The following SYK variants were observed in gnomAD, a reference collection of about 807,000 sequenced individuals.
SYK encodes the protein tyrosine-protein kinase SYK.
Under a neutral mutation model 77.8 loss-of-function variants are expected in SYK, and 16 were observed. That is an observed-to-expected ratio of 0.21 (90% CI 0.14 to 0.31). The LOEUF (loss-of-function observed/expected upper bound fraction) is 0.31. Ranked by LOEUF, SYK falls within the 10% of genes least tolerant of loss-of-function variation. The pLI, the probability that SYK is intolerant of heterozygous loss-of-function variation, is 1.00. For missense variants in SYK, 529 were observed against 814.4 expected, an observed-to-expected ratio of 0.65 and a Z score of 4.26; for synonymous variants, 312 against 308.7, an observed-to-expected ratio of 1.01 and a Z score of -0.11.
chr9:90,892,130 G>A (rs534526703), intron 13 of SYK, among the ~76,000 whole-genome samples: 2 of 152,236 alleles, frequency 1.3e-5, no homozygotes, highest in Non-Finnish European at 1.5e-5. Context: ...CTAAAGAAGT[G>A]GCCAAAACAA....
At position 90,891,142 on chromosome 9, in the gene SYK, C is replaced by CTTT. The variant is rs750370621; in HGVS notation, c.1835+2534_1835+2536dup. Among the ~76,000 whole-genome samples the CTTT allele has an allele frequency of 4.4e-3, 521 of 119,054 alleles. 10 individuals are homozygous for CTTT. The highest frequency in any genetic ancestry group is 0.031 in the East Asian group (101 of 3,272). 78.1% of individuals were successfully genotyped at this position (119,054 alleles called of 152,430 possible). On this transcript the variant is annotated intron_variant, in intron 13 of 13. Coordinates refer to ENST00000375754, the MANE Select transcript of SYK (RefSeq NM_003177.7). The stretch of plus-strand genomic sequence containing the variant: ...TCCTTGGCCGACGCCATGTTGCCTG[C>CTTT]TTTTTTTTTTTTTTTTTTTTTGAGA...
At chr9:90,865,959 C>T (rs1400111421) in intron 6 of SYK, among the ~76,000 whole-genome samples, 2 of 116,602 alleles carry the variant, frequency 1.7e-5, no homozygotes, top group Admixed American at 1.3e-4. Flanking sequence ...AGTGCAGTGG[C>T]GCGATCTCAG....
At chr9:90,808,466 T>TC (rs1470766779) in intron 1 of SYK, among the ~76,000 whole-genome samples, 2 of 151,780 alleles carry the variant, frequency 1.3e-5, no homozygotes, top group Non-Finnish European at 2.9e-5. Flanking sequence ...TGTTGGTTTT[T>TC]TTTTTTTTTT....
At chr9:90,839,367 C>T (rs750945098) in intron 1 of SYK, among the ~76,000 whole-genome samples, 16 of 152,174 alleles carry the variant, frequency 1.1e-4, no homozygotes, top group South Asian at 6.2e-4. Flanking sequence ...TCAGCCACAT[C>T]GGTGCTGACA....
intron 1 of SYK, among the ~76,000 whole-genome samples, chr9:90,826,629 G>C (rs1825675371): frequency 6.6e-6 from 1 of 152,192 alleles, no homozygotes; most frequent in Non-Finnish European, 1.5e-5. Context: ...CTCTGGAGAG[G>C]GTTCCTTTTT....
At position 90,878,883 on chromosome 9, in the gene SYK, C is replaced by G; in HGVS notation, c.1511C>G (p.Thr504Ser). Residue 504 changes from threonine (T) to serine (S), a missense_variant, in exon 11 of 14, where the codon ACC becomes AGC. By Grantham distance (58) the Thr-to-Ser change is moderately conservative. This residue lies in a region of SYK where 208 missense variants were observed against 381.3 expected (regional missense o/e 0.55). Coordinates refer to ENST00000375754, the MANE Select transcript of SYK (RefSeq NM_003177.7). ...DLAARNVLLV[T>S]QHYAKISDFG... ...GCTGCAAGAAATGTGTTGCTAGTTA[C>G]CCAACATTACGCCAAGATCAGTGAT... The G allele has an allele frequency of 6.2e-7, 1 of 1,614,112 alleles. No individual in the cohort carries two copies. The highest frequency in any genetic ancestry group is 8.5e-7 in the Non-Finnish European group (1 of 1,179,970).
chr9:90,823,403 T>C (rs1825580477), intron 1 of SYK, among the ~76,000 whole-genome samples: 3 of 152,228 alleles, frequency 2.0e-5, no homozygotes, highest in Admixed American at 1.3e-4. Flanking sequence ...CTTGATCTAA[T>C]TGACATTTAT....
At chr9:90,865,285 A>C (rs1483553088) in intron 6 of SYK, among the ~76,000 whole-genome samples, 188 bp downstream of exon 6, 6 of 151,336 alleles carry the variant, frequency 4.0e-5, no homozygotes, top group Non-Finnish European at 8.8e-5. Context: ...TAAACTAACC[A>C]CATTTTCTTT....
chr9:90,833,947 C>T (rs1277686032), intron 1 of SYK, among the ~76,000 whole-genome samples: 1 of 152,180 alleles, frequency 6.6e-6, no homozygotes, highest in Non-Finnish European at 1.5e-5. Flanking sequence ...CTGCAGGCTC[C>T]AGGAGGGTGG....
In SYK at chr9:90,850,429, T is replaced by C. The variant is rs534818973; in HGVS notation, c.578+4835T>C. 1.7e-4 allele frequency among the ~76,000 whole-genome samples: 26 copies of C among 152,134 alleles called. No individual in the cohort carries two copies. In the East Asian group the frequency reaches 4.6e-3, roughly 27 times the overall value. ...TACTTGGGAGGCTGAGGCAGGAGAA[T>C]CTCTTGAACCCAGGAGGCGGAGGTT... On this transcript the variant is annotated intron_variant, in intron 3 of 13. Transcript: ENST00000375754.
At chr9:90,862,371 T>C (rs1336929572) in intron 4 of SYK, 27 bp downstream of exon 4, 1 of 1,610,140 alleles carries the variant, frequency 6.2e-7, no homozygotes, top group Non-Finnish European at 8.5e-7. Context: ...CCCCACCTTG[T>C]GGGTAGAGTA....
chr9:90,851,267 A>G (rs1826810195), intron 3 of SYK, among the ~76,000 whole-genome samples: 1 of 152,178 alleles, frequency 6.6e-6, no homozygotes, highest in East Asian at 1.9e-4. Flanking sequence ...GTCCATGTGA[A>G]ATCTCAGAAC....
At chr9:90,840,113 G>A (rs892122743) in intron 1 of SYK, among the ~76,000 whole-genome samples, 1 of 152,180 alleles carries the variant, frequency 6.6e-6, no homozygotes, top group African/African-American at 2.4e-5. Flanking sequence ...CATGCACCAA[G>A]GGCGCCTGGA....
intron 13 of SYK, among the ~76,000 whole-genome samples, chr9:90,891,338 G>T (rs1453400514): frequency 4.6e-5 from 7 of 151,860 alleles, no homozygotes; most frequent in African/African-American, 1.7e-4. Context: ...TAGTGGAGAC[G>T]GGGTTTCACC....
chr9:90,851,945 A>G (rs1034749404), intron 3 of SYK, among the ~76,000 whole-genome samples: 2 of 152,332 alleles, frequency 1.3e-5, no homozygotes, highest in Non-Finnish European at 2.9e-5. Context: ...GAATTTTTTT[A>G]AAGGCTGGTC....
At chr9:90,803,967 G>T (rs1824717601) in intron 1 of SYK, among the ~76,000 whole-genome samples, 1 of 151,412 alleles carries the variant, frequency 6.6e-6, no homozygotes, top group African/African-American at 2.4e-5. Flanking sequence ...AGAGCTGTGT[G>T]TCTGTTTAGA....
chr9:90,823,038 A>T (rs1825569762), intron 1 of SYK, among the ~76,000 whole-genome samples: 1 of 152,168 alleles, frequency 6.6e-6, no homozygotes, highest in Non-Finnish European at 1.5e-5. Flanking sequence ...TCCAAGGGAA[A>T]ACACTTTGCA....
chr9:90,804,227 C>T (rs1824728499), intron 1 of SYK, among the ~76,000 whole-genome samples: 1 of 152,164 alleles, frequency 6.6e-6, no homozygotes. Flanking sequence ...TTCAATCATA[C>T]CGATCAAAAT....
intron 9 of SYK, among the ~76,000 whole-genome samples, chr9:90,876,796 T>G (rs1827954155): frequency 1.3e-5 from 2 of 152,210 alleles, no homozygotes; most frequent in Non-Finnish European, 2.9e-5. Flanking sequence ...TCAGGAGAGT[T>G]GTTTACCTTT....
Sources: allele counts gnomAD v4.1 joint callset (sites outside exome capture counted in the v4.1 genomes callset), GRCh38; gene constraint gnomAD v4.1.1; regional missense constraint gnomAD v4.1.1; transcripts MANE v1.5; gene names NCBI Gene and HGNC (gene_info 2026-07-23, HGNC 2026-07-21).